The following TMEM175 variants were observed in gnomAD, a reference collection of about 807,000 sequenced individuals.
The protein encoded by TMEM175 is transmembrane protein 175, also known as endosomal/lysosomal proton channel TMEM175.
Under a neutral mutation model 36.5 loss-of-function variants are expected in TMEM175, and 36 were observed. The observed-to-expected ratio is 0.99, with a 90% CI of 0.76 to 1.30. The LOEUF (loss-of-function observed/expected upper bound fraction) is 1.30. Ranked by LOEUF, TMEM175 falls within the 50% of genes most tolerant of loss-of-function variation. The pLI is 0.00. For synonymous variants in TMEM175, 339 were observed against 313.4 expected (o/e 1.08, Z -0.86); for missense variants, 705 against 692.8 (o/e 1.02, Z -0.20).
At chr4:952,043 C>T in intron 6 of TMEM175, 1 of 583,188 alleles carries the variant, frequency 1.7e-6, no homozygotes, top group Non-Finnish European at 3.1e-6. Flanking sequence ...ACTACTCAGG[C>T]TGTGAAAGTG....
chr4:933,422 G>T (rs568417117), intron 1 of TMEM175, among the ~76,000 whole-genome samples: 1 of 152,028 alleles, frequency 6.6e-6, no homozygotes, highest in Non-Finnish European at 1.5e-5. Flanking sequence ...CAGGAGAATC[G>T]CTTGAACCCG....
chr4:952,327 T>G (rs1281498176), intron 6 of TMEM175, 40 bp from the exon 7 acceptor site: 1 of 1,586,294 alleles, frequency 6.3e-7, no homozygotes, highest in Non-Finnish European at 8.6e-7. Context: ...CCTGGTAACC[T>G]AGGATTTGGG....
At chr4:937,941 C>A (rs148791355) in intron 1 of TMEM175, among the ~76,000 whole-genome samples, 290 of 151,784 alleles carry the variant, frequency 1.9e-3, no homozygotes, top group African/African-American at 6.7e-3. Flanking sequence ...CAAAATGGAT[C>A]ATGTCAATAG....
intron 1 of TMEM175, among the ~76,000 whole-genome samples, chr4:936,326 C>G (rs960456538): frequency 6.9e-6 from 1 of 145,820 alleles, no homozygotes; most frequent in African/African-American, 2.5e-5. Flanking sequence ...AAAAAGGAAA[C>G]TAGAAAAGTA....
chr4:950,882 G>GTGGATGGTGCAGTAGGTGGAGGTT (rs1728802188), intron 4 of TMEM175, among the ~76,000 whole-genome samples: 1 of 150,820 alleles, frequency 6.6e-6, no homozygotes, highest in Non-Finnish European at 1.5e-5. Flanking sequence ...AGGTGGAGGT[G>GTGGATGGTGCAGTAGGTGGAGGTT]TGGATGGTGC....
chr4:958,487 CCCCTGCT>C lies in TMEM175; in HGVS notation c.1507_1513del (p.Pro503SerfsTer?). 1 of 1,531,290 alleles carries C rather than the reference CCCCTGCT, an allele frequency of 6.5e-7. No individual in the cohort carries two copies. 94.9% of individuals were successfully genotyped at this position (1,531,290 alleles called of 1,614,324 possible). On this transcript the variant is annotated frameshift_variant and stop_lost, in exon 11 of 11. Transcript: ENST00000264771. LOFTEE classifies it high-confidence loss of function. The stretch of plus-strand genomic sequence containing the variant: ...ACCCACAGTCCCAGCTCCTCCCTGC[CCCCTGCT>C]AGCAGCCACAGAGCCCACTCCCAGC...
Position 958,647 on chromosome 4 carries a change from A to G in TMEM175, c.*151A>G, listed in dbSNP as rs1711589124. 1 of 661,448 alleles carries G rather than the reference A, an allele frequency of 1.5e-6. No homozygotes were observed. Among genetic ancestry groups the G allele is most frequent in the African/African-American group, 1.9e-5 (1 of 53,946 alleles). The allele number at this position is 661,448 out of a possible 1,614,324, so 41.0% of individuals were successfully genotyped here. A position where few individuals can be genotyped will look rare whatever the true frequency, so the allele number is the denominator to read the frequency against. On this transcript the variant is annotated 3_prime_UTR_variant, in exon 11 of 11. Transcript: ENST00000264771. ...TTGTGAAATATCATGCTCTTATTTC[A>G]GTCCTCAAATTGTTCTCCACTTTTT...
At position 958,456 on chromosome 4, in the gene TMEM175, A is replaced by G. The variant is rs1050601083; in HGVS notation, c.1475A>G (p.Gln492Arg). 4.4e-6 allele frequency: 7 copies of G among 1,577,906 alleles called. No homozygotes were observed. In the Admixed American group the frequency reaches 7.1e-5, roughly 16 times the overall value. ...CACCCCCCGCCAGCCCCCACGGGCC[A>G]GGACGACCCACAGTCCCAGCTCCTC... ...PEHPPPAPTG[Q>R]DDPQSQLLPA... is the part of the protein sequence containing the mutation. The change falls in exon 11 of 11, where the codon CAG (glutamine) becomes CGG (arginine). Residue 492 changes from glutamine to arginine, a missense_variant. Physicochemically the swap from Gln to Arg is conservative, Grantham distance 43 (BLOSUM62 1). Transcript: ENST00000264771.
rs74378423 is a variant in TMEM175 at position 946,309 on chromosome 4, G to A, written c.-31-1400G>A. On this transcript the variant is annotated intron_variant, in intron 1 of 10. Coordinates refer to ENST00000264771, the MANE Select transcript of TMEM175 (RefSeq NM_032326.4). ...CCTCTTCCCTGCTCCGGGGCACCTG[G>A]CTGCAGGTGGGGCTCAGCCAACATG... 1.4e-4 allele frequency among the ~76,000 whole-genome samples: 22 copies of A among 152,350 alleles called. No individual in the cohort carries two copies. The East Asian group carries it at 3.7e-3, about 25-fold the overall frequency.
intron 3 of TMEM175, chr4:948,691 A>G: frequency 8.3e-7 from 1 of 1,201,130 alleles, no homozygotes; most frequent in Non-Finnish European, 1.1e-6. Context: ...AGCATCTTAG[A>G]AGGGGAATGA....
In TMEM175 at chr4:942,657, T is replaced by C. The variant is rs187379410; in HGVS notation, c.-31-5052T>C. Among the ~76,000 whole-genome samples, 1,267 of 151,246 alleles carry C rather than the reference T, an allele frequency of 8.4e-3. 16 individuals carry two copies. The highest frequency in any genetic ancestry group is 0.013 in the Non-Finnish European group (887 of 67,580). ...TTTTCTTTTTTTTTTTTTTTCTTTT[T>C]GAGACAGAGTCTCACTCTGTCACCC... On this transcript the variant is annotated intron_variant, in intron 1 of 10. Coordinates refer to ENST00000264771, the MANE Select transcript of TMEM175 (RefSeq NM_032326.4).
intron 1 of TMEM175, among the ~76,000 whole-genome samples, chr4:947,346 A>C (rs1427452830): frequency 6.6e-6 from 1 of 152,110 alleles, no homozygotes; most frequent in Non-Finnish European, 1.5e-5. Context: ...GCACGCATGC[A>C]CGGTCAAGGG....
chr4:957,773 C>G (rs1475747723), intron 10 of TMEM175, 51 bp from the exon 11 acceptor site: 3 of 1,545,806 alleles, frequency 1.9e-6, no homozygotes, highest in East Asian at 2.3e-5. Flanking sequence ...CTGCTGGGGC[C>G]TGTGTGGCCA....
intron 2 of TMEM175, 43 bp from the exon 3 acceptor site, chr4:948,073 G>T: frequency 1.2e-6 from 2 of 1,614,050 alleles, no homozygotes; most frequent in Non-Finnish European, 1.7e-6. Context: ...TCCAACAAGC[G>T]TCTCTTGCTC....
chr4:945,372 G>T (rs1188577516), intron 1 of TMEM175, among the ~76,000 whole-genome samples: 2 of 152,034 alleles, frequency 1.3e-5, no homozygotes, highest in East Asian at 3.9e-4. Context: ...TTGCCGTCCT[G>T]TCGTCTCACT....
At chr4:938,625 A>T (rs1041585734) in intron 1 of TMEM175, among the ~76,000 whole-genome samples, 5 of 152,270 alleles carry the variant, frequency 3.3e-5, no homozygotes, top group Admixed American at 3.3e-4. Flanking sequence ...CTAGCAATAA[A>T]TATTGGAAGT....
intron 3 of TMEM175, 73 bp from the exon 4 acceptor site, chr4:950,348 C>A: frequency 7.9e-7 from 1 of 1,258,490 alleles, no homozygotes; most frequent in Non-Finnish European, 1.2e-6. Context: ...CCCCCCCTCA[C>A]GGTGCTGTCT....
Position 953,374 on chromosome 4 carries a change from G to C in TMEM175, c.627+20G>C, listed in dbSNP as rs199699012. The C allele has an allele frequency of 6.9e-6, 11 of 1,585,992 alleles. No homozygotes were observed. In the African/African-American group the frequency reaches 1.3e-4, roughly 19 times the overall value. ...CCCTTGGTGAGTGCTGGGACAGCCCGTGGGGCCCAGGCAGGAACGGGGGCC... is the reference window on the plus strand; with the variant it reads ...CCCTTGGTGAGTGCTGGGACAGCCCCTGGGGCCCAGGCAGGAACGGGGGCC... On this transcript the variant is annotated intron_variant, in intron 8 of 10. Transcript: ENST00000264771.
At chr4:949,481 T>C (rs1012461976) in intron 3 of TMEM175, among the ~76,000 whole-genome samples, 6 of 152,212 alleles carry the variant, frequency 3.9e-5, no homozygotes, top group Admixed American at 1.3e-4. Context: ...GACACCTCCT[T>C]GTGAGGAGAG....
Sources: gnomAD v4.1 joint callset for allele counts (sites outside exome capture counted in the v4.1 genomes callset) on GRCh38, gnomAD v4.1.1 for gene constraint, MANE v1.5 for transcripts, NCBI Gene and HGNC (gene_info 2026-07-23, HGNC 2026-07-21) for gene names.